The following NRXN1 variants were observed in gnomAD, a reference collection of about 807,000 sequenced individuals.
NRXN1 encodes the protein neurexin-1.
NRXN1 carries 39 observed loss-of-function variants against 150.9 expected under a neutral mutation model. The observed-to-expected ratio is 0.26, with a 90% CI of 0.20 to 0.34. The LOEUF is 0.34. Ranked by LOEUF, NRXN1 falls within the 10% of genes least tolerant of loss-of-function variation. NRXN1 has a pLI of 1.00. For missense variants in NRXN1, 1,815 were observed against 1,949.9 expected (o/e 0.93, Z 1.30); for synonymous variants, 924 against 757.0 (o/e 1.22, Z -3.62).
chr2:50,538,803 T>C (rs2093327277), intron 9 of NRXN1, among the ~76,000 whole-genome samples, 167 bp from the exon 10 acceptor site: 2 of 137,112 alleles, frequency 1.5e-5, no homozygotes, highest in Non-Finnish European at 1.6e-5. Context: ...AAGATATCTG[T>C]GGTATTAAGA....
rs764347791 is a variant in NRXN1, at chr2:50,497,587, A to G, written c.2625T>C (p.Asn875=). The G allele has an allele frequency of 1.3e-5, 21 of 1,613,812 alleles. No individual in the cohort carries two copies. Among genetic ancestry groups the G allele is most frequent in the Non-Finnish European group, 1.6e-5 (19 of 1,179,862 alleles). ...TACACAGGTCAATGTATGCCATTCC[A>G]TTAAATGTCAAGCTCTGCAGGTGTC... The part of the protein sequence containing the change: ...FIGHLQSLTF[N]GMAYIDLCKN... The change falls in exon 14 of 23, where the codon AAT becomes AAC. Residue 875 remains asparagine, a synonymous_variant. Transcript: ENST00000401669.
intron 17 of NRXN1, among the ~76,000 whole-genome samples, chr2:50,455,557 C>T (rs1331901782): frequency 6.6e-6 from 1 of 152,146 alleles, no homozygotes; most frequent in African/African-American, 2.4e-5. Flanking sequence ...GCCTGACACA[C>T]CAAAATCCAG....
rs142497941 is a variant in NRXN1, at chr2:50,772,572, G to C, written c.833-148957C>G. 8.2e-4 allele frequency among the ~76,000 whole-genome samples: 125 copies of C among 152,014 alleles called. 1 individual carries two copies. In the East Asian group the frequency reaches 0.024, roughly 29 times the overall value. On this transcript the variant is annotated intron_variant, in intron 5 of 22. Transcript: ENST00000401669. ...ATATATGAAACTTGAAAAAAGGAAG[G>C]CCACTTATATAAATGCTTGTGTTTT... is the stretch of plus-strand genomic sequence containing the variant.
At chr2:50,590,870 C>T (rs1460648202) in intron 8 of NRXN1, among the ~76,000 whole-genome samples, 1 of 152,044 alleles carries the variant, frequency 6.6e-6, no homozygotes, top group Non-Finnish European at 1.5e-5. Flanking sequence ...TTATAGCAGT[C>T]AGAATGGACT....
At chr2:49,997,058 C>A (rs368563067) in intron 21 of NRXN1, among the ~76,000 whole-genome samples, 2 of 152,254 alleles carry the variant, frequency 1.3e-5, no homozygotes, top group Admixed American at 6.5e-5. Flanking sequence ...GTACTACTAA[C>A]AGAATACAGA....
intron 19 of NRXN1, among the ~76,000 whole-genome samples, chr2:50,089,175 G>T (rs1699214495): frequency 6.6e-6 from 1 of 152,116 alleles, no homozygotes; most frequent in African/African-American, 2.4e-5. Context: ...TACCAGTTTG[G>T]AAATTGCTGA....
At chr2:50,372,409 G>C (rs1449050423) in intron 17 of NRXN1, among the ~76,000 whole-genome samples, 1 of 151,954 alleles carries the variant, frequency 6.6e-6, no homozygotes, top group Non-Finnish European at 1.5e-5. Flanking sequence ...TATGCAGCTG[G>C]CCATTCAGAC....
intron 5 of NRXN1, among the ~76,000 whole-genome samples, chr2:50,689,191 T>C (rs932465209): frequency 6.6e-6 from 1 of 152,146 alleles, no homozygotes; most frequent in African/African-American, 2.4e-5. Context: ...AAACAAAATA[T>C]CACTGGAGAG....
chr2:50,134,766 A>T (rs557567452), intron 18 of NRXN1, among the ~76,000 whole-genome samples: 13 of 152,150 alleles, frequency 8.5e-5, no homozygotes, highest in Non-Finnish European at 1.9e-4. Context: ...CCCCTTTTAC[A>T]CTCACAAACT....
At chr2:50,509,615 A>T (rs2092374553) in intron 12 of NRXN1, among the ~76,000 whole-genome samples, 1 of 152,060 alleles carries the variant, frequency 6.6e-6, no homozygotes, top group Non-Finnish European at 1.5e-5. Context: ...ACATATACAA[A>T]CTTGTTAAAG....
chr2:50,464,493 G>A (rs1434985692), intron 17 of NRXN1: 1 of 151,820 alleles, frequency 6.6e-6, no homozygotes. Flanking sequence ...AATAGACAAA[G>A]GTCAAAATGA....
At chr2:50,645,365 A>G (rs1469188370) in intron 5 of NRXN1, among the ~76,000 whole-genome samples, 2 of 152,012 alleles carry the variant, frequency 1.3e-5, no homozygotes, top group African/African-American at 2.4e-5. Flanking sequence ...TAATACAAGA[A>G]TGTATATAAA....
In NRXN1 at chr2:50,520,009, C is replaced by T. The variant is rs115530166; in HGVS notation, c.2374+8616G>A. On this transcript the variant is annotated intron_variant, in intron 12 of 22. Transcript: ENST00000401669. ...ACAAGATGTTGCTAAAATTAGAGAA[C>T]GGGGTGCAAAACATTCCTATACCAT... is the stretch of plus-strand genomic sequence containing the variant. 2.4e-3 allele frequency among the ~76,000 whole-genome samples: 360 copies of T among 151,866 alleles called. 1 individual carries two copies. Among genetic ancestry groups the T allele is most frequent in the African/African-American group, 8.1e-3 (334 of 41,486 alleles).
chr2:50,268,711 G>T (rs2069188631), intron 17 of NRXN1, among the ~76,000 whole-genome samples: 1 of 152,208 alleles, frequency 6.6e-6, no homozygotes, highest in East Asian at 1.9e-4. Flanking sequence ...TGAGATCTTT[G>T]CTTTTCAATT....
chr2:50,168,388 C>T (rs888842954), intron 18 of NRXN1, among the ~76,000 whole-genome samples: 4 of 152,114 alleles, frequency 2.6e-5, no homozygotes, highest in South Asian at 2.1e-4. Flanking sequence ...TTATACTTTA[C>T]CTTGGCTGAA....
intron 17 of NRXN1, among the ~76,000 whole-genome samples, chr2:50,369,297 G>C (rs1273251158): frequency 2.6e-5 from 4 of 151,878 alleles, no homozygotes; most frequent in African/African-American, 9.7e-5. Context: ...ATTATATATA[G>C]CCTATATATT....
At chr2:50,153,093 T>C (rs115124616) in intron 18 of NRXN1, among the ~76,000 whole-genome samples, 2,077 of 151,862 alleles carry the variant, frequency 0.014, 62 homozygotes, top group African/African-American at 0.048. Flanking sequence ...TCAGTAGTTC[T>C]TCCTCCTGTC....
intron 8 of NRXN1, among the ~76,000 whole-genome samples, chr2:50,581,536 C>T (rs1672261887): frequency 6.6e-6 from 1 of 152,100 alleles, no homozygotes; most frequent in Non-Finnish European, 1.5e-5. Flanking sequence ...TCTTTGCAAC[C>T]AATAAGTATG....
At chr2:51,029,534 G>A (rs1188196471) in intron 1 of NRXN1, among the ~76,000 whole-genome samples, 3 of 152,110 alleles carry the variant, frequency 2.0e-5, no homozygotes, top group African/African-American at 4.8e-5. Context: ...TGCTTTTAAG[G>A]ATTTCTACCT....
Sources: gnomAD v4.1 joint callset for allele counts (sites outside exome capture counted in the v4.1 genomes callset) on GRCh38, gnomAD v4.1.1 for gene constraint, MANE v1.5 for transcripts, NCBI Gene and HGNC (gene_info 2026-07-23, HGNC 2026-07-21) for gene names.